ZBTB7C: variants seen among roughly 807,000 people sequenced by gnomAD.
The protein encoded by ZBTB7C is zinc finger and BTB domain-containing protein 7C.
In ZBTB7C, 8 loss-of-function variants were observed where a neutral mutation model predicts 25.7. The observed-to-expected ratio is 0.31, with a 90% CI of 0.18 to 0.56. The LOEUF (loss-of-function observed/expected upper bound fraction) is 0.56. Ranked by LOEUF, ZBTB7C falls within the 20% of genes least tolerant of loss-of-function variation. The pLI is 0.91. For synonymous variants in ZBTB7C, 394 were observed against 369.0 expected (o/e 1.07, Z -0.78); for missense variants, 824 against 855.2 (o/e 0.96, Z 0.46).
chr18:48,078,725 G>T (rs1228180580), intron 3 of ZBTB7C, among the ~76,000 whole-genome samples: 1 of 152,164 alleles, frequency 6.6e-6, no homozygotes, highest in African/African-American at 2.4e-5. Flanking sequence ...GGGGGCTCTG[G>T]GCTTGGCAGG....
At chr18:48,295,884 C>T (rs1329843606) in intron 2 of ZBTB7C, among the ~76,000 whole-genome samples, 2 of 152,200 alleles carry the variant, frequency 1.3e-5, no homozygotes. Flanking sequence ...GGGGACCCAT[C>T]CCAAAGACAC....
At chr18:48,106,048 C>A (rs975969028) in intron 3 of ZBTB7C, among the ~76,000 whole-genome samples, 1 of 152,250 alleles carries the variant, frequency 6.6e-6, no homozygotes, top group African/African-American at 2.4e-5. Flanking sequence ...GGAAACATTT[C>A]ACTAAATGGC....
At chr18:48,306,110 T>C (rs1215423171) in intron 2 of ZBTB7C, among the ~76,000 whole-genome samples, 1 of 152,218 alleles carries the variant, frequency 6.6e-6, no homozygotes, top group Non-Finnish European at 1.5e-5. Context: ...ACACTCCCTA[T>C]GCAGGCAACA....
intron 1 of ZBTB7C, among the ~76,000 whole-genome samples, chr18:48,383,417 C>T (rs1313415142): frequency 6.6e-6 from 1 of 151,978 alleles, no homozygotes; most frequent in African/African-American, 2.4e-5. Context: ...AGGCACACAC[C>T]ACCACCCCTG....
intron 2 of ZBTB7C, among the ~76,000 whole-genome samples, chr18:48,219,220 C>T (rs1024036924): frequency 1.3e-5 from 2 of 152,128 alleles, no homozygotes; most frequent in African/African-American, 2.4e-5. Context: ...CGGACTCACT[C>T]CCGAGCTGCA....
chr18:48,057,315 T>C (rs1364504060), intron 3 of ZBTB7C, among the ~76,000 whole-genome samples: 1 of 152,196 alleles, frequency 6.6e-6, no homozygotes, highest in Non-Finnish European at 1.5e-5. Context: ...GCATTGATTC[T>C]ATAGCCAACA....
Position 48,212,970 on chromosome 18 carries a change from C to A in ZBTB7C, c.-78-26975G>T, listed in dbSNP as rs558831346. 1.3e-4 allele frequency among the ~76,000 whole-genome samples: 20 copies of A among 152,324 alleles called. 1 individual carries two copies. Among genetic ancestry groups the A allele is most frequent in the African/African-American group, 4.6e-4 (19 of 41,546 alleles). On this transcript the variant is annotated intron_variant, in intron 2 of 4. Transcript: ENST00000590800. The stretch of plus-strand genomic sequence containing the variant: ...AACTCCTCAAACCCAAGTGCAGCCA[C>A]GTACAAGGTCTGGCTTAGACCCACA...
chr18:48,231,292 C>G (rs2043245505), intron 2 of ZBTB7C, among the ~76,000 whole-genome samples: 1 of 152,132 alleles, frequency 6.6e-6, no homozygotes, highest in Admixed American at 6.5e-5. Context: ...CCATGGCCAC[C>G]CATAGACCAA....
chr18:48,269,716 A>AT (rs2044417053), intron 2 of ZBTB7C, among the ~76,000 whole-genome samples: 1 of 152,198 alleles, frequency 6.6e-6, no homozygotes, highest in South Asian at 2.1e-4. Context: ...ACATTTAAAG[A>AT]TTTTCAGGAG....
intron 2 of ZBTB7C, among the ~76,000 whole-genome samples, chr18:48,273,872 T>A (rs981186600): frequency 6.6e-6 from 1 of 152,288 alleles, no homozygotes; most frequent in African/African-American, 2.4e-5. Context: ...ATTTTTTCTA[T>A]ATTTTCCTTT....
At chr18:48,093,983 C>T (rs543835577) in intron 3 of ZBTB7C, among the ~76,000 whole-genome samples, 95 of 152,256 alleles carry the variant, frequency 6.2e-4, no homozygotes, top group Non-Finnish European at 1.0e-3. Flanking sequence ...GGCGTGAACC[C>T]GGGAGGCGGA....
intron 2 of ZBTB7C, among the ~76,000 whole-genome samples, chr18:48,304,777 G>A (rs1169033903): frequency 1.4e-5 from 2 of 144,316 alleles, no homozygotes; most frequent in Non-Finnish European, 3.0e-5. Flanking sequence ...GGAGGTGGAG[G>A]TTGCAGTGAG....
intron 3 of ZBTB7C, among the ~76,000 whole-genome samples, chr18:48,136,572 G>A (rs528893730): frequency 9.2e-5 from 14 of 152,270 alleles, no homozygotes; most frequent in African/African-American, 3.4e-4. Flanking sequence ...ATTCTTGGGG[G>A]AGACAATTTA....
At chr18:48,187,164 C>T (rs2042076045) in intron 2 of ZBTB7C, among the ~76,000 whole-genome samples, 2 of 152,134 alleles carry the variant, frequency 1.3e-5, no homozygotes, top group South Asian at 2.1e-4. Flanking sequence ...CAGTGAGGGC[C>T]GGCAGATCAG....
At chr18:48,224,511 A>G (rs1019257266) in intron 2 of ZBTB7C, among the ~76,000 whole-genome samples, 1 of 152,234 alleles carries the variant, frequency 6.6e-6, no homozygotes, top group Non-Finnish European at 1.5e-5. Context: ...CCGGGGCCTC[A>G]GCCTGGGCTC....
intron 1 of ZBTB7C, among the ~76,000 whole-genome samples, chr18:48,359,235 C>T (rs942365947): frequency 1.3e-5 from 2 of 152,078 alleles, no homozygotes; most frequent in Non-Finnish European, 2.9e-5. Context: ...AGAACTGGGG[C>T]CTGGCCTTCC....
chr18:48,028,549 G>A lies in ZBTB7C; in HGVS notation c.*711C>T, dbSNP rs1459233805. On this transcript the variant is annotated 3_prime_UTR_variant, in exon 5 of 5. Transcript: ENST00000590800. ...GCTTCTACCATCTCTGTGATTCTCTGGGGGGATAGGTGTGTATGTGTTTAG... is the reference window on the plus strand; with the variant it reads ...GCTTCTACCATCTCTGTGATTCTCTAGGGGGATAGGTGTGTATGTGTTTAG... 6.6e-6 allele frequency: 1 copy of A among 152,188 alleles called. No individual in the cohort carries two copies. Among genetic ancestry groups the A allele is most frequent in the African/African-American group, 2.4e-5 (1 of 41,442 alleles). The allele number at this position is 152,188 out of a possible 1,614,324, so 9.4% of individuals were successfully genotyped here.
chr18:48,410,138 T>TG (rs2048366922), upstream of ZBTB7C, among the ~76,000 whole-genome samples: 1 of 151,514 alleles, frequency 6.6e-6, no homozygotes, highest in Non-Finnish European at 1.5e-5. Context: ...GAGCAAGGAG[T>TG]GGGGGCGAGA....
chr18:48,225,177 C>T (rs2043057511), intron 2 of ZBTB7C, among the ~76,000 whole-genome samples: 1 of 152,172 alleles, frequency 6.6e-6, no homozygotes, highest in African/African-American at 2.4e-5. Context: ...CCACTGTACC[C>T]CACTACACTT....
Sources: gnomAD v4.1 joint callset for allele counts (sites outside exome capture counted in the v4.1 genomes callset) on GRCh38, gnomAD v4.1.1 for gene constraint, MANE v1.5 for transcripts, NCBI Gene and HGNC (gene_info 2026-07-23, HGNC 2026-07-21) for gene names.